MAGI3: variants seen among roughly 807,000 people sequenced by gnomAD.
MAGI3 encodes the protein membrane associated guanylate kinase, WW and PDZ domain containing 3, also known as membrane-associated guanylate kinase, WW and PDZ domain-containing protein 3.
In MAGI3, 43 loss-of-function variants were observed where a neutral mutation model predicts 121.8. The ratio of observed to expected loss-of-function variants is 0.35; its 90% confidence interval spans 0.28 to 0.46. The LOEUF is 0.46. MAGI3 is among the 20% of genes least tolerant of loss of function. The probability of loss-of-function intolerance (pLI) is 1.00; values close to 1 mark genes in which losing one functional copy is unlikely to be tolerated. For synonymous variants in MAGI3, 553 were observed against 639.3 expected (o/e 0.86, Z 2.04); for missense variants, 1,547 against 1,797.3 (o/e 0.86, Z 2.52).
At chr1:113,395,087 G>GTTTTTTTTTTTTTTTTTTTTTTTT (rs139532433) in intron 1 of MAGI3, among the ~76,000 whole-genome samples, 2 of 33,244 alleles carry the variant, frequency 6.0e-5, no homozygotes, top group Non-Finnish European at 1.0e-4. Flanking sequence ...CTTTTTGTTA[G>GTTTTTTTTTTTTTTTTTTTTTTTT]TTTTTTTTTT....
At chr1:113,449,946 G>A in intron 1 of MAGI3, 1 of 1,535,750 alleles carries the variant, frequency 6.5e-7, no homozygotes, top group Non-Finnish European at 8.9e-7. Context: ...TGGGCGTGTA[G>A]TGGAACCAAA....
chr1:113,676,738 C>T (rs1245744425), intron 19 of MAGI3, among the ~76,000 whole-genome samples: 1 of 152,114 alleles, frequency 6.6e-6, no homozygotes, highest in Non-Finnish European at 1.5e-5. Context: ...ACGGAGCCAC[C>T]TGAGTGCCCC....
At chr1:113,601,051 C>T (rs867363755) in intron 6 of MAGI3, among the ~76,000 whole-genome samples, 1 of 151,990 alleles carries the variant, frequency 6.6e-6, no homozygotes, top group Non-Finnish European at 1.5e-5. Context: ...CTTCCTTACA[C>T]CTTATACAAA....
chr1:113,553,028 G>A (rs1474113435), intron 2 of MAGI3, among the ~76,000 whole-genome samples: 1 of 152,088 alleles, frequency 6.6e-6, no homozygotes, highest in East Asian at 1.9e-4. Context: ...CACCTAGAAG[G>A]GGTGCTTGAT....
At chr1:113,631,943 A>G (rs773706760) in intron 9 of MAGI3, among the ~76,000 whole-genome samples, 4 of 152,130 alleles carry the variant, frequency 2.6e-5, no homozygotes, top group African/African-American at 7.2e-5. Context: ...TGCGGGGGGA[A>G]GTTTAAGTAT....
At chr1:113,631,443 A>G (rs1371320874) in intron 9 of MAGI3, among the ~76,000 whole-genome samples, 1 of 152,098 alleles carries the variant, frequency 6.6e-6, no homozygotes, top group Non-Finnish European at 1.5e-5. Context: ...CTAAATGCAT[A>G]TTATCTTTGA....
chr1:113,391,856 T>G lies in MAGI3; in HGVS notation c.316+507T>G, dbSNP rs1332160831. On this transcript the variant is annotated intron_variant, in intron 1 of 20. Coordinates refer to ENST00000307546, the MANE Select transcript of MAGI3 (RefSeq NM_001142782.2). The surrounding 1 kb of genome is among the most constrained non-coding windows in gnomAD (Gnocchi z 4.4). ...TGCACTCTAGCAGACATCTCAGAGC[T>G]GACAGCCTAACTCTGTCAGTCCAGG... 1.3e-5 allele frequency among the ~76,000 whole-genome samples: 2 copies of G among 152,244 alleles called. No homozygotes were observed. Among genetic ancestry groups the G allele is most frequent in the East Asian group, 1.9e-4 (1 of 5,204 alleles).
rs753277275 is a variant in MAGI3, at chr1:113,683,406, A to C, written c.3838A>C (p.Arg1280=). ...TRAGSGQDQC[R]KSRGRSASPK... is the part of the protein sequence containing the mutation. ...GGCAGGCTCTGGACAAGATCAGTGC[A>C]GAAAAAGCAGAGGTCGGTCGGCCAG... is the stretch of plus-strand genomic sequence containing the variant. Residue 1280 remains arginine (R), a synonymous_variant, in exon 21 of 21, where the codon AGA becomes CGA. Transcript: ENST00000307546. The C allele has an allele frequency of 6.2e-7, 1 of 1,614,036 alleles. No individual in the cohort carries two copies. The highest frequency in any genetic ancestry group is 1.1e-5 in the South Asian group (1 of 91,080).
chr1:113,682,743 TAG>T, intron 20 of MAGI3, 152 bp from the exon 21 acceptor site: 1 of 983,462 alleles, frequency 1.0e-6, no homozygotes, highest in Non-Finnish European at 1.2e-6. Flanking sequence ...TCCGCCTTTA[TAG>T]AGAGATATGT....
At chr1:113,536,713 T>C (rs562091928) in intron 1 of MAGI3, among the ~76,000 whole-genome samples, 1 of 152,310 alleles carries the variant, frequency 6.6e-6, no homozygotes, top group South Asian at 2.1e-4. Flanking sequence ...AGAGAGTACT[T>C]TGTGATTTTT....
intron 1 of MAGI3, among the ~76,000 whole-genome samples, chr1:113,507,407 A>C (rs1458841357): frequency 6.6e-6 from 1 of 152,174 alleles, no homozygotes; most frequent in Non-Finnish European, 1.5e-5. Context: ...TCTGTTTTAC[A>C]TGGTATTGAA....
intron 19 of MAGI3, among the ~76,000 whole-genome samples, chr1:113,675,077 TG>T (rs1481310360): frequency 1.1e-4 from 16 of 152,160 alleles, no homozygotes; most frequent in Non-Finnish European, 2.1e-4. Context: ...TAAAAGCCGA[TG>T]GGTCGCAGGC....
chr1:113,592,333 T>C (rs981762235), intron 5 of MAGI3, among the ~76,000 whole-genome samples: 2 of 152,202 alleles, frequency 1.3e-5, no homozygotes, highest in Non-Finnish European at 2.9e-5. Flanking sequence ...CTATAGACTT[T>C]AGTTCTTATG....
chr1:113,478,524 C>G (rs1001387104), intron 1 of MAGI3, among the ~76,000 whole-genome samples: 2 of 152,192 alleles, frequency 1.3e-5, no homozygotes, highest in Admixed American at 6.5e-5. Flanking sequence ...GAGTTCCACT[C>G]TAGACCCTGT....
chr1:113,566,014 CT>C (rs1660421832), intron 2 of MAGI3, among the ~76,000 whole-genome samples: 1 of 152,126 alleles, frequency 6.6e-6, no homozygotes, highest in Non-Finnish European at 1.5e-5. Flanking sequence ...AGAATTAGAA[CT>C]TTTTTTGTCA....
At position 113,684,211 on chromosome 1, in the gene MAGI3, C is replaced by T. The variant is rs757435026; in HGVS notation, c.*197C>T. The T allele has an allele frequency of 1.5e-4, 79 of 524,106 alleles. No homozygotes were observed. Among genetic ancestry groups the T allele is most frequent in the Non-Finnish European group, 2.2e-4 (71 of 322,230 alleles). 32.5% of individuals were successfully genotyped at this position (524,106 alleles called of 1,614,324 possible). A position where few individuals can be genotyped will look rare whatever the true frequency, so the allele number is the denominator to read the frequency against. On this transcript the variant is annotated 3_prime_UTR_variant, in exon 21 of 21. Coordinates refer to ENST00000307546, the MANE Select transcript of MAGI3 (RefSeq NM_001142782.2). ...CTGTCCCCCTGGCCGGCTGCCCTCCCTCGCTCTCAGGAAGGAGCTGCATCC... is the reference window on the plus strand; with the variant it reads ...CTGTCCCCCTGGCCGGCTGCCCTCCTTCGCTCTCAGGAAGGAGCTGCATCC...
chr1:113,683,553 G>T lies in MAGI3; in HGVS notation c.3985G>T (p.Asp1329Tyr). 1 of 1,613,944 alleles carries T rather than the reference G, an allele frequency of 6.2e-7. No homozygotes were observed. The highest frequency in any genetic ancestry group is 1.1e-5 in the South Asian group (1 of 91,078). ...GGGCAGTAATGCTGAGCAGATCCCA[G>T]ATGGGAAGGAAAAATCAGACGTCAT... ...YTGSNAEQIP[D>Y]GKEKSDVIRK... Residue 1329 changes from aspartate (D) to tyrosine (Y), a missense_variant, in exon 21 of 21, where the codon GAT becomes TAT. Asp to Tyr is a radical substitution (Grantham distance 160). Coordinates refer to ENST00000307546, the MANE Select transcript of MAGI3 (RefSeq NM_001142782.2).
intron 2 of MAGI3, among the ~76,000 whole-genome samples, chr1:113,551,068 G>T (rs1449595247): frequency 1.3e-5 from 2 of 151,502 alleles, no homozygotes; most frequent in Non-Finnish European, 1.5e-5. Context: ...TGACTATGTA[G>T]TGGCAAAGAG....
chr1:113,507,233 C>T (rs1657377808), intron 1 of MAGI3, among the ~76,000 whole-genome samples: 1 of 152,094 alleles, frequency 6.6e-6, no homozygotes, highest in Admixed American at 6.5e-5. Context: ...GCTGCTGTAG[C>T]TGTTTTACAT....
Sources: gnomAD v4.1 joint callset for allele counts (sites outside exome capture counted in the v4.1 genomes callset) on GRCh38, gnomAD v4.1.1 for gene constraint, Gnocchi (gnomAD v3.1) non-coding constraint, MANE v1.5 for transcripts, NCBI Gene and HGNC (gene_info 2026-07-23, HGNC 2026-07-21) for gene names.